DCAF10: variants seen among roughly 807,000 people sequenced by gnomAD.
DCAF10 encodes DDB1- and CUL4-associated factor 10.
DCAF10 carries 19 observed loss-of-function variants against 51.9 expected under a neutral mutation model. The observed-to-expected ratio is 0.37, with a 90% CI of 0.26 to 0.54. The LOEUF is 0.54. Ranked by LOEUF, DCAF10 falls within the 20% of genes least tolerant of loss-of-function variation. The probability of loss-of-function intolerance (pLI) is 0.87; values close to 1 mark genes in which losing one functional copy is unlikely to be tolerated. For missense variants in DCAF10, 510 were observed against 730.6 expected, an observed-to-expected ratio of 0.70 and a Z score of 3.48; for synonymous variants, 291 against 297.1, an observed-to-expected ratio of 0.98 and a Z score of 0.21.
intron 2 of DCAF10, among the ~76,000 whole-genome samples, chr9:37,840,691 G>A (rs1448439894): frequency 6.6e-6 from 1 of 151,970 alleles, no homozygotes; most frequent in Non-Finnish European, 1.5e-5. Context: ...ATTTAGTGTA[G>A]CCTAAGTGTA....
At chr9:37,809,394 T>TAAA (rs60722292) in intron 1 of DCAF10, among the ~76,000 whole-genome samples, 1 of 129,144 alleles carries the variant, frequency 7.7e-6, no homozygotes. Flanking sequence ...GGAAATATAG[T>TAAA]AAAAAAAAAA....
rs536096369 is a variant in DCAF10, at chr9:37,857,041, T to C, written c.1055-200T>C. Among the ~76,000 whole-genome samples the C allele has an allele frequency of 5.3e-4, 81 of 152,308 alleles. 3 individuals carry two copies. In the South Asian group the frequency reaches 0.015, roughly 28 times the overall value. On this transcript the variant is annotated intron_variant, in intron 4 of 6. Transcript: ENST00000377724. ...CATTTTTATTTCACATAGTCAAGTC[T>C]TTGATATAAAAGATTCAGAAAGGGA...
chr9:37,824,917 C>A (rs559416437), intron 2 of DCAF10, among the ~76,000 whole-genome samples: 1 of 152,042 alleles, frequency 6.6e-6, no homozygotes, highest in African/African-American at 2.4e-5. Flanking sequence ...TTAAATATAG[C>A]CTTAAAATAC....
At chr9:37,809,777 G>A (rs1430698452) in intron 1 of DCAF10, among the ~76,000 whole-genome samples, 1 of 152,186 alleles carries the variant, frequency 6.6e-6, no homozygotes. Context: ...AGGTTGCAGT[G>A]AGCCAAGACT....
At chr9:37,848,111 C>T (rs1012840910) in intron 3 of DCAF10, among the ~76,000 whole-genome samples, 2 of 152,158 alleles carry the variant, frequency 1.3e-5, no homozygotes, top group South Asian at 4.1e-4. Context: ...CTGAAACCCA[C>T]ATTGCTGGTG....
chr9:37,833,576 A>G (rs1223480833), intron 2 of DCAF10, among the ~76,000 whole-genome samples: 1 of 152,128 alleles, frequency 6.6e-6, no homozygotes, highest in African/African-American at 2.4e-5. Flanking sequence ...ATCCTTTACC[A>G]TATCATCTGA....
intron 2 of DCAF10, among the ~76,000 whole-genome samples, chr9:37,826,609 C>G (rs896993037): frequency 2.0e-5 from 3 of 152,058 alleles, no homozygotes; most frequent in African/African-American, 7.2e-5. Flanking sequence ...CAACTGAGTG[C>G]CCACCATCAA....
At chr9:37,855,018 C>T (rs779346515) in intron 4 of DCAF10, 36 bp downstream of exon 4, 14 of 1,551,386 alleles carry the variant, frequency 9.0e-6, no homozygotes, top group South Asian at 6.0e-5. Flanking sequence ...AGATTTTTCT[C>T]GAGAATCTCA....
At chr9:37,800,623 C>A (rs1180324202), upstream of DCAF10, 1 of 1,536,026 alleles carries the variant, frequency 6.5e-7, no homozygotes. Context: ...AGATCAGGTG[C>A]CCAGATGCTC....
intron 2 of DCAF10, among the ~76,000 whole-genome samples, chr9:37,839,134 A>G (rs1288849265): frequency 6.6e-6 from 1 of 151,744 alleles, no homozygotes; most frequent in East Asian, 1.9e-4. Context: ...AGCTCACTGC[A>G]ACATCCGCCT....
At chr9:37,809,582 C>G (rs1829265637) in intron 1 of DCAF10, among the ~76,000 whole-genome samples, 3 of 152,204 alleles carry the variant, frequency 2.0e-5, no homozygotes, top group Admixed American at 2.0e-4. Flanking sequence ...ACCTGTAATC[C>G]TAGCACTTTG....
chr9:37,801,042 C>A lies in DCAF10; in HGVS notation c.176C>A (p.Ala59Asp), dbSNP rs200916317. 2.7e-3 allele frequency: 4,127 copies of A among 1,538,812 alleles called. 8 individuals are homozygous for A. The highest frequency in any genetic ancestry group is 3.3e-3 in the Non-Finnish European group (3,797 of 1,152,074). Residue 59 changes from alanine (A) to aspartate (D), a missense_variant, in exon 1 of 7, where the codon GCC (alanine) becomes GAC (aspartate). Ala to Asp is a moderately radical substitution (Grantham distance 126). Transcript: ENST00000377724. The surrounding 1 kb of genome is among the most constrained non-coding windows in gnomAD (Gnocchi z 5.5). ...GCCCGAAGCCCTCGCCGCCCCGGCG[C>A]CCCATCGCTGTCCCCGGCCCCGCGC... ...PPARSPRRPG[A>D]PSLSPAPRSG...
intron 2 of DCAF10, among the ~76,000 whole-genome samples, chr9:37,824,100 C>T (rs1829785025): frequency 1.3e-5 from 2 of 151,968 alleles, no homozygotes; most frequent in Admixed American, 6.6e-5. Context: ...AGGCTGGTCT[C>T]GAACTCCTGA....
At chr9:37,834,616 C>T (rs1830097960) in intron 2 of DCAF10, among the ~76,000 whole-genome samples, 1 of 152,104 alleles carries the variant, frequency 6.6e-6, no homozygotes. Context: ...GCAATATAAC[C>T]CCACTGGGGT....
Position 37,860,164 on chromosome 9 carries a change from C to T in DCAF10, c.1282C>T (p.Arg428Trp), listed in dbSNP as rs1159391555. The T allele has an allele frequency of 1.2e-6, 2 of 1,614,100 alleles. No individual in the cohort carries two copies. Among genetic ancestry groups the T allele is most frequent in the Non-Finnish European group, 8.5e-7 (1 of 1,179,998 alleles). The change falls in exon 6 of 7, where the codon CGG becomes TGG. Residue 428 changes from arginine (R) to tryptophan (W), a missense_variant. This residue lies in a region of DCAF10 where 104 missense variants were observed against 206.2 expected (regional missense o/e 0.50). Transcript: ENST00000377724. The part of the protein sequence containing the change: ...LHPKGWATLL[R>W]CSSNSDDEEC... ...CCCAAAAGGCTGGGCCACTCTTCTT[C>T]GGTGCTCAAGCAACAGTGATGATGA...
chr9:37,800,854 G>A lies in DCAF10; in HGVS notation c.-13G>A, dbSNP rs1490211415. 45 of 1,486,706 alleles carry A rather than the reference G, an allele frequency of 3.0e-5. No homozygotes were observed. The highest frequency in any genetic ancestry group is 3.8e-5 in the Non-Finnish European group (43 of 1,125,242). 92.1% of individuals were successfully genotyped at this position (1,486,706 alleles called of 1,614,324 possible). On this transcript the variant is annotated 5_prime_UTR_variant, in exon 1 of 7. Transcript: ENST00000377724. ...GGGGCAGTGGCCCGGAGCGGGGGGCGGGGGCGTTGATCATGTTTCCCTTTG... is the reference window on the plus strand; with the variant it reads ...GGGGCAGTGGCCCGGAGCGGGGGGCAGGGGCGTTGATCATGTTTCCCTTTG...
In DCAF10 at chr9:37,865,924, T is replaced by G. The variant is rs1831127694; in HGVS notation, c.*4416T>G. On this transcript the variant is annotated 3_prime_UTR_variant, in exon 7 of 7. Coordinates refer to ENST00000377724, the MANE Select transcript of DCAF10 (RefSeq NM_024345.5). ...TGTTAAAATTGTGTTATCTAGAAAGTGCAATATAGGGAAAACACTCTAAGA... is the reference window on the plus strand; with the variant it reads ...TGTTAAAATTGTGTTATCTAGAAAGGGCAATATAGGGAAAACACTCTAAGA... The G allele has an allele frequency of 6.5e-6, 1 of 152,764 alleles. No homozygotes were observed. 9.5% of individuals were successfully genotyped at this position (152,764 alleles called of 1,614,324 possible).
chr9:37,813,000 T>A (rs956648223), intron 1 of DCAF10, among the ~76,000 whole-genome samples: 7 of 152,296 alleles, frequency 4.6e-5, no homozygotes, highest in African/African-American at 1.4e-4. Flanking sequence ...TACTTCACTT[T>A]AAAAAGTTGA....
intron 3 of DCAF10, among the ~76,000 whole-genome samples, chr9:37,849,239 T>C (rs965377858): frequency 6.6e-6 from 1 of 152,114 alleles, no homozygotes; most frequent in Non-Finnish European, 1.5e-5. Context: ...AGGGTACTAG[T>C]TGGTGCAATA....
Sources: allele counts gnomAD v4.1 joint callset (sites outside exome capture counted in the v4.1 genomes callset), GRCh38; gene constraint gnomAD v4.1.1; regional missense constraint gnomAD v4.1.1; non-coding constraint Gnocchi (gnomAD v3.1); transcripts MANE v1.5; gene names NCBI Gene and HGNC (gene_info 2026-07-23, HGNC 2026-07-21).